CBLB: variants seen among roughly 807,000 people sequenced by gnomAD.
The protein encoded by CBLB is Cbl proto-oncogene B, also known as E3 ubiquitin-protein ligase CBL-B.
A neutral mutation model predicts 104.9 loss-of-function variants in CBLB; 31 were observed. The observed-to-expected ratio is 0.30, with a 90% CI of 0.22 to 0.40. The LOEUF (loss-of-function observed/expected upper bound fraction) is 0.40. CBLB is among the 10% of genes least tolerant of loss of function. CBLB has a pLI of 1.00. For missense variants in CBLB, 1,062 were observed against 1,214.6 expected, an observed-to-expected ratio of 0.87 and a Z score of 1.87; for synonymous variants, 440 against 422.6, an observed-to-expected ratio of 1.04 and a Z score of -0.51.
intron 3 of CBLB, among the ~76,000 whole-genome samples, chr3:105,846,091 T>C (rs2090206500): frequency 6.6e-6 from 1 of 152,072 alleles, no homozygotes. Flanking sequence ...AAAAATGCCT[T>C]GAATGCAAAC....
intron 4 of CBLB, among the ~76,000 whole-genome samples, chr3:105,756,951 T>C (rs1465343376): frequency 6.6e-6 from 1 of 152,148 alleles, no homozygotes; most frequent in Non-Finnish European, 1.5e-5. Flanking sequence ...CAATGAGTTC[T>C]TACAAGATCT....
In CBLB at chr3:105,868,864, G is replaced by A; in HGVS notation, c.-143C>T. The A allele has an allele frequency of 9.9e-7, 1 of 1,012,506 alleles. No homozygotes were observed. The highest frequency in any genetic ancestry group is 1.2e-6 in the Non-Finnish European group (1 of 848,158). 62.7% of individuals were successfully genotyped at this position (1,012,506 alleles called of 1,614,324 possible). A position where few individuals can be genotyped will look rare whatever the true frequency, so the allele number is the denominator to read the frequency against. ...TGAGAACAGCTCGCTCCCGAAGAAG[G>A]AGCAACCCAGCGCGCAGGCCTCCGA... On this transcript the variant is annotated 5_prime_UTR_variant, in exon 1 of 19. Transcript: ENST00000394030.
intron 11 of CBLB, 36 bp from the exon 12 acceptor site, chr3:105,702,495 A>AAAAAAC: frequency 6.8e-7 from 1 of 1,475,866 alleles, no homozygotes; most frequent in Non-Finnish European, 9.0e-7. Context: ...AAAAAAAAAA[A>AAAAAAC]AAAACTAAAG....
intron 9 of CBLB, among the ~76,000 whole-genome samples, 157 bp downstream of exon 9, chr3:105,733,852 A>C (rs915064137): frequency 2.6e-5 from 4 of 152,232 alleles, no homozygotes; most frequent in African/African-American, 9.6e-5. Context: ...ATAGTTAAAA[A>C]TCAAATTATA....
chr3:105,674,890 A>G (rs2065431753), intron 17 of CBLB, among the ~76,000 whole-genome samples: 1 of 152,110 alleles, frequency 6.6e-6, no homozygotes, highest in Non-Finnish European at 1.5e-5. Flanking sequence ...ATAAAAGAAG[A>G]ATGAGAGCCC....
intron 3 of CBLB, among the ~76,000 whole-genome samples, chr3:105,830,431 A>C (rs965440835): frequency 4.6e-5 from 7 of 152,234 alleles, no homozygotes; most frequent in African/African-American, 1.7e-4. Context: ...CTTCTGTTAC[A>C]GGAAGCGTTG....
chr3:105,795,833 T>A (rs1402669432), intron 3 of CBLB, among the ~76,000 whole-genome samples: 1 of 152,080 alleles, frequency 6.6e-6, no homozygotes, highest in Non-Finnish European at 1.5e-5. Context: ...AACCTCTGCC[T>A]CCCGGGTTCA....
rs976602869 is a variant in CBLB, at chr3:105,771,842, T to A, written c.566+4554A>T. 8.6e-5 allele frequency among the ~76,000 whole-genome samples: 13 copies of A among 152,034 alleles called. No homozygotes were observed. In the East Asian group the frequency reaches 1.7e-3, roughly 20 times the overall value. On this transcript the variant is annotated intron_variant, in intron 4 of 18. Coordinates refer to ENST00000394030, the MANE Select transcript of CBLB (RefSeq NM_170662.5). ...TATATTTAACCAAGGAGGTGAAAGA[T>A]CTCTAGAAGGAAAACTACAAAACAC...
At chr3:105,718,300 T>C (rs1576578724) in intron 10 of CBLB, among the ~76,000 whole-genome samples, 1 of 152,076 alleles carries the variant, frequency 6.6e-6, no homozygotes, top group East Asian at 1.9e-4. Context: ...GAAAAACCAA[T>C]AAGATAAATA....
intron 12 of CBLB, among the ~76,000 whole-genome samples, chr3:105,698,023 A>T (rs1165963031): frequency 1.3e-5 from 2 of 152,092 alleles, no homozygotes; most frequent in Non-Finnish European, 2.9e-5. Context: ...GGTGACTAAA[A>T]TCTGAGACTT....
rs111759361 is a variant in CBLB at position 105,707,716 on chromosome 3, C to T, written c.1408-3543G>A. Among the ~76,000 whole-genome samples the T allele has an allele frequency of 3.3e-3, 495 of 151,654 alleles. 4 individuals carry two copies. The highest frequency in any genetic ancestry group is 0.011 in the African/African-American group (463 of 41,352). On this transcript the variant is annotated intron_variant, in intron 10 of 18. Transcript: ENST00000394030. Reference sequence around the variant, plus strand: ...TTTTTCCTTCCTATTTGAAAGTCTACGGAAAAAAAGGAAATCTAGCACAAT... The same window carrying T: ...TTTTTCCTTCCTATTTGAAAGTCTATGGAAAAAAAGGAAATCTAGCACAAT...
intron 6 of CBLB, among the ~76,000 whole-genome samples, chr3:105,741,356 T>C (rs2075556550): frequency 6.6e-6 from 1 of 150,690 alleles, no homozygotes; most frequent in African/African-American, 2.4e-5. Context: ...GCCCAGCTAA[T>C]TTTTTGTATT....
chr3:105,831,412 G>T (rs2087500755), intron 3 of CBLB, among the ~76,000 whole-genome samples: 1 of 152,194 alleles, frequency 6.6e-6, no homozygotes, highest in Admixed American at 6.5e-5. Flanking sequence ...GGGCTCAAAT[G>T]CCATCCTCCG....
rs776292429 is a variant in CBLB at position 105,746,030 on chromosome 3, G to A, written c.732C>T (p.Gly244=). ...AGAAATTCCAATTCCGCAAAATAGA[G>A]CCCCAAGGCTAAAAAATAAAAAAAT... is the stretch of plus-strand genomic sequence containing the variant. ...DIFTRLFQPW[G]SILRNWNFLA... The change falls in exon 6 of 19, where the codon GGC becomes GGT. Residue 244 remains glycine, a synonymous_variant. Coordinates refer to ENST00000394030, the MANE Select transcript of CBLB (RefSeq NM_170662.5). 1.2e-6 allele frequency: 2 copies of A among 1,601,852 alleles called. No homozygotes were observed. The highest frequency in any genetic ancestry group is 2.2e-5 in the South Asian group (2 of 90,732).
chr3:105,850,275 G>C (rs2090781912), intron 3 of CBLB, among the ~76,000 whole-genome samples: 1 of 151,884 alleles, frequency 6.6e-6, no homozygotes. Flanking sequence ...GAATTTGATG[G>C]TTTTACTTGT....
chr3:105,830,980 C>A (rs115388277), intron 3 of CBLB, among the ~76,000 whole-genome samples: 1 of 152,174 alleles, frequency 6.6e-6, no homozygotes, highest in Non-Finnish European at 1.5e-5. Flanking sequence ...TGAGGAGACA[C>A]GGCTGACATG....
chr3:105,846,418 C>A (rs910545417), intron 3 of CBLB, among the ~76,000 whole-genome samples: 1 of 151,926 alleles, frequency 6.6e-6, no homozygotes, highest in Admixed American at 6.6e-5. Flanking sequence ...TCTTAAGATT[C>A]TCTTGCAAAT....
chr3:105,748,359 C>G (rs952288489), intron 5 of CBLB, among the ~76,000 whole-genome samples: 5 of 152,130 alleles, frequency 3.3e-5, no homozygotes, highest in Admixed American at 2.0e-4. Context: ...CAACTGAGGA[C>G]TTTCCTCTTC....
intron 3 of CBLB, among the ~76,000 whole-genome samples, chr3:105,819,168 G>T (rs947482180): frequency 6.6e-6 from 1 of 152,296 alleles, no homozygotes; most frequent in Non-Finnish European, 1.5e-5. Context: ...ATTTAAGTTG[G>T]AGCATAAATT....
Sources: gnomAD v4.1 joint callset for allele counts (sites outside exome capture counted in the v4.1 genomes callset) on GRCh38, gnomAD v4.1.1 for gene constraint, MANE v1.5 for transcripts, NCBI Gene and HGNC (gene_info 2026-07-23, HGNC 2026-07-21) for gene names.